WDR3: variants seen among roughly 807,000 people sequenced by gnomAD.
WDR3 encodes WD repeat domain 3, also known as WD repeat-containing protein 3.
WDR3 carries 81 observed loss-of-function variants against 123.7 expected under a neutral mutation model. The ratio of observed to expected loss-of-function variants is 0.65; its 90% CI spans 0.55 to 0.79. The LOEUF (loss-of-function observed/expected upper bound fraction) is 0.79. WDR3 is among the 30% of genes least tolerant of loss of function. The pLI is 0.00. For missense variants in WDR3, 1,027 were observed against 1,123.2 expected (o/e 0.91, Z 1.22); for synonymous variants, 390 against 388.8 (o/e 1.00, Z -0.04).
rs746362593 is a variant in WDR3 at position 117,963,830 on chromosome 1, A to G, written c.*4383A>G. ...TGGAGAAACTTTACGAGACATGAAGACTCCAAGTGTGGAGGAATAAATTGT... is the reference window on the plus strand; with the variant it reads ...TGGAGAAACTTTACGAGACATGAAGGCTCCAAGTGTGGAGGAATAAATTGT... On this transcript the variant is annotated 3_prime_UTR_variant, in exon 27 of 27. Coordinates refer to ENST00000349139, the MANE Select transcript of WDR3 (RefSeq NM_006784.3). The G allele has an allele frequency of 2.5e-6, 4 of 1,613,298 alleles. No individual in the cohort carries two copies. In the South Asian group the frequency reaches 4.4e-5, roughly 18 times the overall value.
rs778578083 is a variant in WDR3, at chr1:117,953,524, A to T, written c.2251A>T (p.Ile751Phe). ...CAGTTACTTTACTGGAAAGAAAACTATTGAAACAGTGAAAGCAGTAAGTTG... is the reference window on the plus strand; with the variant it reads ...CAGTTACTTTACTGGAAAGAAAACTTTTGAAACAGTGAAAGCAGTAAGTTG... ...GDSYFTGKKT[I>F]ETVKAAERIM... The change falls in exon 21 of 27, where the codon ATT (isoleucine) becomes TTT (phenylalanine). Residue 751 changes from isoleucine to phenylalanine, a missense_variant. Transcript: ENST00000349139. 60 of 1,612,656 alleles carry T rather than the reference A, an allele frequency of 3.7e-5. No homozygotes were observed. Among genetic ancestry groups the T allele is most frequent in the Non-Finnish European group, 4.6e-5 (54 of 1,179,108 alleles).
In WDR3 at chr1:117,934,505, T is replaced by C; in HGVS notation, c.204T>C (p.Val68=). The stretch of plus-strand genomic sequence containing the variant: ...TCCTTCAGGGGCTTAAACAAGAAGT[T>C]ACTTGCTTATGCCCCTCCCCAGATG... ...ILILQGLKQE[V]TCLCPSPDGL... is the part of the protein sequence containing the mutation. The change falls in exon 3 of 27, where the codon GTT becomes GTC. Residue 68 remains valine (V), a synonymous_variant. Transcript: ENST00000349139. 6.2e-7 allele frequency: 1 copy of C among 1,614,170 alleles called. No individual in the cohort carries two copies. Among genetic ancestry groups the C allele is most frequent in the Non-Finnish European group, 8.5e-7 (1 of 1,180,008 alleles).
At position 117,941,238 on chromosome 1, in the gene WDR3, C is replaced by T. The variant is rs1651160985; in HGVS notation, c.891+13C>T. 1 of 1,612,342 alleles carries T rather than the reference C, an allele frequency of 6.2e-7. No individual in the cohort carries two copies. The highest frequency in any genetic ancestry group is 8.5e-7 in the Non-Finnish European group (1 of 1,178,718). On this transcript the variant is annotated intron_variant, in intron 8 of 26. Coordinates refer to ENST00000349139, the MANE Select transcript of WDR3 (RefSeq NM_006784.3). ...TCTTGCTTGCCATGTGAGTACCATA[C>T]TTAGGAGAAAATAACAAGGACTAGG...
chr1:117,963,659 C>A lies in WDR3; in HGVS notation c.*4212C>A. On this transcript the variant is annotated 3_prime_UTR_variant, in exon 27 of 27. Transcript: ENST00000349139. ...GATTACAGGTGTGAGCCACCGGGCC[C>A]GGCCTAAACAAATATTTTCATTCAT... 1 of 752,718 alleles carries A rather than the reference C, an allele frequency of 1.3e-6. No individual in the cohort carries two copies. 46.6% of individuals were successfully genotyped at this position (752,718 alleles called of 1,614,324 possible). A position where few individuals can be genotyped will look rare whatever the true frequency, so the allele number is the denominator to read the frequency against.
chr1:117,956,306 C>T (rs1652186828), intron 24 of WDR3, among the ~76,000 whole-genome samples: 1 of 152,064 alleles, frequency 6.6e-6, no homozygotes, highest in African/African-American at 2.4e-5. Context: ...TACATTTTTG[C>T]AATAATTGTT....
chr1:117,939,020 A>G (rs1651048675), intron 5 of WDR3, among the ~76,000 whole-genome samples: 3 of 152,224 alleles, frequency 2.0e-5, no homozygotes, highest in South Asian at 4.1e-4. Context: ...CCTAGAATTA[A>G]TGACAAGAAG....
chr1:117,937,775 T>A (rs773326101), intron 4 of WDR3, among the ~76,000 whole-genome samples: 8 of 152,050 alleles, frequency 5.3e-5, no homozygotes, highest in Non-Finnish European at 8.8e-5. Flanking sequence ...GGAAGAGGTG[T>A]TTGAGCAGGA....
At chr1:117,933,002 C>G (rs1650787143) in intron 1 of WDR3, among the ~76,000 whole-genome samples, 1 of 149,440 alleles carries the variant, frequency 6.7e-6, no homozygotes, top group Non-Finnish European at 1.5e-5. Flanking sequence ...CGAGACGAGC[C>G]TGGCCAATAT....
At chr1:117,945,181 C>T (rs1185613583) in intron 11 of WDR3, among the ~76,000 whole-genome samples, 1 of 152,124 alleles carries the variant, frequency 6.6e-6, no homozygotes, top group Non-Finnish European at 1.5e-5. Context: ...TTCTTGCTTG[C>T]CCCTCTATAG....
intron 25 of WDR3, among the ~76,000 whole-genome samples, chr1:117,958,684 T>A (rs1019234810): frequency 2.0e-5 from 3 of 152,074 alleles, no homozygotes; most frequent in Admixed American, 6.6e-5. Context: ...TGCAAATGAG[T>A]TGAATGTGTC....
chr1:117,958,407 A>C (rs538414388), intron 25 of WDR3, among the ~76,000 whole-genome samples: 2 of 152,206 alleles, frequency 1.3e-5, no homozygotes, highest in Non-Finnish European at 2.9e-5. Flanking sequence ...TACGAGTAAC[A>C]CTGTGAATAC....
chr1:117,950,221 T>G, intron 15 of WDR3, 91 bp downstream of exon 15: 1 of 1,445,960 alleles, frequency 6.9e-7, no homozygotes, highest in Non-Finnish European at 9.4e-7. Context: ...GCCTTGACTG[T>G]GCCCAGCGAT....
intron 4 of WDR3, among the ~76,000 whole-genome samples, chr1:117,937,794 G>A (rs1357704700): frequency 6.6e-6 from 1 of 152,088 alleles, no homozygotes; most frequent in Non-Finnish European, 1.5e-5. Context: ...GAGTAGTAGA[G>A]GCCATTGGCT....
Position 117,934,481 on chromosome 1 carries a change from C to A in WDR3, c.180C>A (p.Ile60=). 1 of 1,613,742 alleles carries A rather than the reference C, an allele frequency of 6.2e-7. No homozygotes were observed. Among genetic ancestry groups the A allele is most frequent in the Non-Finnish European group, 8.5e-7 (1 of 1,179,908 alleles). ...AATTTTTATGATTTCAGATTCTTAT[C>A]CTTCAGGGGCTTAAACAAGAAGTTA... ...WDLRKGEKIL[I]LQGLKQEVTC... is the part of the protein sequence containing the mutation. Residue 60 remains isoleucine (I), a synonymous_variant, in exon 3 of 27, where the codon ATC becomes ATA. Transcript: ENST00000349139.
At chr1:117,947,407 A>C (rs990650027) in intron 12 of WDR3, among the ~76,000 whole-genome samples, 1 of 152,224 alleles carries the variant, frequency 6.6e-6, no homozygotes, top group East Asian at 1.9e-4. Context: ...TTGCTTCAAC[A>C]AAAAAATGTA....
intron 3 of WDR3, 96 bp downstream of exon 3, chr1:117,934,778 G>A: frequency 7.9e-7 from 1 of 1,258,484 alleles, no homozygotes; most frequent in Non-Finnish European, 1.1e-6. Context: ...GTAAAACAAT[G>A]GGCTGTCAAT....
chr1:117,959,554 T>A lies in WDR3; in HGVS notation c.*107T>A. On this transcript the variant is annotated 3_prime_UTR_variant, in exon 27 of 27. Coordinates refer to ENST00000349139, the MANE Select transcript of WDR3 (RefSeq NM_006784.3). ...CTTAAAAATACCAAATAACAGAAGA[T>A]CGCATTGCAGATGATATCAGGATGT... 1 of 1,217,808 alleles carries A rather than the reference T, an allele frequency of 8.2e-7. No individual in the cohort carries two copies. The allele number at this position is 1,217,808 out of a possible 1,614,324, so 75.4% of individuals were successfully genotyped here.
chr1:117,953,133 T>C (rs1405627486), intron 20 of WDR3, 137 bp downstream of exon 20: 2 of 1,056,132 alleles, frequency 1.9e-6, no homozygotes, highest in Middle Eastern at 2.6e-4. Flanking sequence ...ATAAAGAATC[T>C]GTGTAATTCT....
chr1:117,948,517 C>T lies in WDR3; in HGVS notation c.1524+11C>T. On this transcript the variant is annotated intron_variant, in intron 13 of 26. Coordinates refer to ENST00000349139, the MANE Select transcript of WDR3 (RefSeq NM_006784.3). ...CTCTCTCCAGATCAGGTAACTAAAC[C>T]AGATTTTAAAGCCCTGGAGTTCAGC... The T allele has an allele frequency of 6.2e-7, 1 of 1,608,324 alleles. No individual in the cohort carries two copies. The highest frequency in any genetic ancestry group is 2.2e-5 in the East Asian group (1 of 44,778).
Sources: allele counts gnomAD v4.1 joint callset (sites outside exome capture counted in the v4.1 genomes callset), GRCh38; gene constraint gnomAD v4.1.1; transcripts MANE v1.5; gene names NCBI Gene and HGNC (gene_info 2026-07-23, HGNC 2026-07-21).